NEMP2: variants seen among roughly 807,000 people sequenced by gnomAD.
NEMP2 encodes UPF0571 transmembrane protein.
In NEMP2, 53 loss-of-function variants were observed where a neutral mutation model predicts 54.2. That is an observed-to-expected ratio of 0.98 (90% CI 0.78 to 1.23). The LOEUF is 1.23. Ranked by LOEUF, NEMP2 falls within the 50% of genes most tolerant of loss-of-function variation. The probability of loss-of-function intolerance (pLI) is 0.00; values close to 1 mark genes in which losing one functional copy is unlikely to be tolerated. For missense variants in NEMP2, 455 were observed against 511.3 expected (o/e 0.89, Z 1.06); for synonymous variants, 197 against 190.3 (o/e 1.04, Z -0.29).
rs935120294 is a variant in NEMP2 at position 190,505,545 on chromosome 2, C to T, written c.*3644G>A. 7.2e-5 allele frequency: 11 copies of T among 152,094 alleles called. No homozygotes were observed. The highest frequency in any genetic ancestry group is 2.2e-4 in the African/African-American group (9 of 41,402). The allele number at this position is 152,094 out of a possible 1,614,324, so 9.4% of individuals were successfully genotyped here. Reference sequence around the variant, plus strand: ...TTATTTAAATAATAGAGAAGCTACCCACTAACTGTATCTTCCAAGATTTAT... The same window carrying T: ...TTATTTAAATAATAGAGAAGCTACCTACTAACTGTATCTTCCAAGATTTAT... On this transcript the variant is annotated 3_prime_UTR_variant, in exon 9 of 9. Coordinates refer to ENST00000409150, the MANE Select transcript of NEMP2 (RefSeq NM_001142645.2). This position sits in a 1 kb window ranked among gnomAD's most constrained non-coding sequence, Gnocchi z 5.8.
the NEMP2 span, among the ~76,000 whole-genome samples, chr2:190,596,484 A>C: frequency 6.6e-6 from 1 of 152,232 alleles, no homozygotes; most frequent in Non-Finnish European, 1.5e-5. This position sits in a 1 kb window ranked among gnomAD's most constrained non-coding sequence, Gnocchi z 5.1. Flanking sequence ...GCATGGACAT[A>C]TCTATCAGCA....
At chr2:190,490,954 A>G in the NEMP2 span, among the ~76,000 whole-genome samples, 3 of 152,208 alleles carry the variant, frequency 2.0e-5, no homozygotes, top group African/African-American at 7.2e-5. This position sits in a 1 kb window ranked among gnomAD's most constrained non-coding sequence, Gnocchi z 4.5. Flanking sequence ...ATAATCCTAA[A>G]TGGATTCTCT....
chr2:190,480,170 CAACA>C, the NEMP2 span, among the ~76,000 whole-genome samples: 3 of 152,188 alleles, frequency 2.0e-5, no homozygotes, highest in Non-Finnish European at 2.9e-5. Flanking sequence ...CTCAAAACAA[CAACA>C]AACAAACAAA....
the NEMP2 span, among the ~76,000 whole-genome samples, chr2:190,479,867 T>A: frequency 8.5e-5 from 13 of 152,348 alleles, no homozygotes; most frequent in South Asian, 2.7e-3. Context: ...ATGTTTTTTT[T>A]AATGTCATCA....
the NEMP2 span, among the ~76,000 whole-genome samples, chr2:190,425,292 G>A: frequency 3.3e-5 from 5 of 152,162 alleles, no homozygotes; most frequent in Admixed American, 3.3e-4. The surrounding 1 kb of genome is among the most constrained non-coding windows in gnomAD (Gnocchi z 4.3). Flanking sequence ...AATAGGGACA[G>A]TTTCTTTGTT....
chr2:190,591,381 C>T, the NEMP2 span, among the ~76,000 whole-genome samples: 1 of 152,076 alleles, frequency 6.6e-6, no homozygotes, highest in Non-Finnish European at 1.5e-5. The surrounding 1 kb of genome is among the most constrained non-coding windows in gnomAD (Gnocchi z 5.4). Flanking sequence ...GTGAAAGCAC[C>T]TCTCATGTTT....
Position 190,528,603 on chromosome 2 carries a change from G to C in NEMP2, c.98-3225C>G, listed in dbSNP as rs977127475. On this transcript the variant is annotated intron_variant, in intron 1 of 8. Transcript: ENST00000409150. This position sits in a 1 kb window ranked among gnomAD's most constrained non-coding sequence, Gnocchi z 4.3. ...TTCACCACCCATGTGCTCAATGCTA[G>C]ATGGGCTTTTCTTGTGGGTGCCTCC... Among the ~76,000 whole-genome samples the C allele has an allele frequency of 1.3e-5, 2 of 152,158 alleles. No individual in the cohort carries two copies. The highest frequency in any genetic ancestry group is 2.9e-5 in the Non-Finnish European group (2 of 68,034).
At position 190,510,492 on chromosome 2, in the gene NEMP2, A is replaced by T; in HGVS notation, c.999T>A (p.Tyr333Ter). ...GCTCCCTGTACTCGTCTTCCGTAAG[A>T]TATTTCACCACCAGCTCTTTTGATG... Reference protein sequence around the residue: ...WFTSKELVVKYLTEDEYREQA... With the variant: ...WFTSKELVVK The change falls in exon 8 of 9, where the codon TAT (tyrosine) becomes TAA (stop). Residue 333 changes from tyrosine to a stop codon, truncating the protein, a stop_gained. Coordinates refer to ENST00000409150, the MANE Select transcript of NEMP2 (RefSeq NM_001142645.2). LOFTEE classifies it high-confidence loss of function. The surrounding 1 kb of genome is among the most constrained non-coding windows in gnomAD (Gnocchi z 5.7). 6.4e-7 allele frequency: 1 copy of T among 1,551,924 alleles called. No homozygotes were observed. Among genetic ancestry groups the T allele is most frequent in the South Asian group, 1.2e-5 (1 of 84,054 alleles).
At chr2:190,603,134 A>C in the NEMP2 span, among the ~76,000 whole-genome samples, 1 of 152,162 alleles carries the variant, frequency 6.6e-6, no homozygotes, top group African/African-American at 2.4e-5. Context: ...TTTAATTATA[A>C]ATGTATGACA....
chr2:190,559,753 T>C, the NEMP2 span, among the ~76,000 whole-genome samples: 1 of 152,100 alleles, frequency 6.6e-6, no homozygotes, highest in African/African-American at 2.4e-5. This position sits in a 1 kb window ranked among gnomAD's most constrained non-coding sequence, Gnocchi z 4.0. Context: ...GTGGTAAACA[T>C]AGCAGGTATG....
At chr2:190,640,787 ATT>A in the NEMP2 span, among the ~76,000 whole-genome samples, 2 of 118,012 alleles carry the variant, frequency 1.7e-5, no homozygotes, top group African/African-American at 6.9e-5. Context: ...AACACATTCA[ATT>A]TTTTTTTTTT....
chr2:190,503,913 TGGG>T, downstream of NEMP2, among the ~76,000 whole-genome samples: 2 of 152,238 alleles, frequency 1.3e-5, no homozygotes, highest in Middle Eastern at 3.4e-3. The surrounding 1 kb of genome is among the most constrained non-coding windows in gnomAD (Gnocchi z 6.3). Flanking sequence ...ATGTCTAACA[TGGG>T]GGGAAAGTGA....
At chr2:190,446,326 A>G in the NEMP2 span, among the ~76,000 whole-genome samples, 2 of 152,312 alleles carry the variant, frequency 1.3e-5, no homozygotes, top group Admixed American at 1.3e-4. Flanking sequence ...GGTGTATCCA[A>G]GGCTGCACAG....
At chr2:190,481,697 G>A in the NEMP2 span, among the ~76,000 whole-genome samples, 1 of 152,218 alleles carries the variant, frequency 6.6e-6, no homozygotes, top group Non-Finnish European at 1.5e-5. Flanking sequence ...TATAGATGCT[G>A]AGTAAATACT....
the NEMP2 span, among the ~76,000 whole-genome samples, chr2:190,640,314 TTGCCAAACTAC>T: frequency 6.6e-6 from 1 of 152,216 alleles, no homozygotes; most frequent in Non-Finnish European, 1.5e-5. Flanking sequence ...TTGGTTCGAC[TTGCCAAACTAC>T]TGTTCTAAAG....
At chr2:190,483,695 C>T in the NEMP2 span, among the ~76,000 whole-genome samples, 2 of 151,910 alleles carry the variant, frequency 1.3e-5, no homozygotes, top group Admixed American at 6.6e-5. Context: ...ATTAGCTGGG[C>T]GTGGTGGCAC....
At chr2:190,583,920 A>T in the NEMP2 span, among the ~76,000 whole-genome samples, 3 of 152,202 alleles carry the variant, frequency 2.0e-5, no homozygotes, top group African/African-American at 7.2e-5. Flanking sequence ...GCTTGGAGTT[A>T]TGGATATCTT....
the NEMP2 span, among the ~76,000 whole-genome samples, chr2:190,583,938 C>T: frequency 1.3e-5 from 2 of 152,176 alleles, no homozygotes; most frequent in Admixed American, 1.3e-4. Flanking sequence ...CTTTGGCCTG[C>T]TTCCAAGTTT....
the NEMP2 span, among the ~76,000 whole-genome samples, chr2:190,635,662 A>G: frequency 6.6e-6 from 1 of 152,202 alleles, no homozygotes; most frequent in Non-Finnish European, 1.5e-5. This position sits in a 1 kb window ranked among gnomAD's most constrained non-coding sequence, Gnocchi z 4.1. Flanking sequence ...TTGATCTAAT[A>G]TACATCATTT....
Sources: allele counts gnomAD v4.1 joint callset (sites outside exome capture counted in the v4.1 genomes callset), GRCh38; gene constraint gnomAD v4.1.1; non-coding constraint Gnocchi (gnomAD v3.1); transcripts MANE v1.5; gene names NCBI Gene and HGNC (gene_info 2026-07-23, HGNC 2026-07-21).